Variants in ARID4B observed in about 807,000 individuals in gnomAD.
ARID4B encodes AT-rich interaction domain 4B.
Under a neutral mutation model 147.5 loss-of-function variants are expected in ARID4B, and 26 were observed. The ratio of observed to expected loss-of-function variants is 0.18; its 90% CI spans 0.13 to 0.24. ARID4B has a LOEUF of 0.24. Ranked by LOEUF, ARID4B falls within the 10% of genes least tolerant of loss-of-function variation. The pLI is 1.00. For synonymous variants in ARID4B, 512 were observed against 507.9 expected (o/e 1.01, Z -0.11); for missense variants, 1,179 against 1,511.5 (o/e 0.78, Z 3.65).
intron 2 of ARID4B, among the ~76,000 whole-genome samples, chr1:235,296,862 GGA>G (rs1272153875): frequency 1.2e-5 from 1 of 83,662 alleles, no homozygotes; most frequent in East Asian, 6.3e-4. Context: ...GGGAAGGAAG[GGA>G]GAGAGTACTT....
At chr1:235,261,690 C>A (rs893240258) in intron 2 of ARID4B, among the ~76,000 whole-genome samples, 1 of 152,192 alleles carries the variant, frequency 6.6e-6, no homozygotes, top group Non-Finnish European at 1.5e-5. Flanking sequence ...GATATTTACT[C>A]TTCTACCTTA....
At position 235,181,955 on chromosome 1, in the gene ARID4B, A is replaced by C; in HGVS notation, c.2964T>G (p.Pro988=). ...TGGGTTTACTATCGACATTGACTGG[A>C]GGTGGTTTTTCTAGTTCTACACTGG... The part of the protein sequence containing the change: ...CSPSVELEKP[P]PVNVDSKPIE... The change falls in exon 20 of 24, where the codon CCT becomes CCG. Residue 988 remains proline, a synonymous_variant. Coordinates refer to ENST00000264183, the MANE Select transcript of ARID4B (RefSeq NM_016374.6). 6.2e-7 allele frequency: 1 copy of C among 1,613,918 alleles called. No individual in the cohort carries two copies. The highest frequency in any genetic ancestry group is 1.1e-5 in the South Asian group (1 of 91,074).
chr1:235,239,960 G>T (rs148889300), intron 8 of ARID4B, among the ~76,000 whole-genome samples: 1 of 152,198 alleles, frequency 6.6e-6, no homozygotes, highest in East Asian at 1.9e-4. Flanking sequence ...TAAGTATGAG[G>T]AAAAGGTCTA....
chr1:235,298,920 T>A (rs973477340), intron 2 of ARID4B, among the ~76,000 whole-genome samples: 1 of 112,832 alleles, frequency 8.9e-6, no homozygotes, highest in Non-Finnish European at 1.9e-5. Flanking sequence ...AACTGCAGTC[T>A]CAGCCCAGCA....
intron 2 of ARID4B, among the ~76,000 whole-genome samples, chr1:235,294,833 C>A (rs1284045691): frequency 6.6e-6 from 1 of 151,188 alleles, no homozygotes; most frequent in Non-Finnish European, 1.5e-5. Flanking sequence ...TAAAAATATG[C>A]TCAACATTTT....
At chr1:235,251,496 T>C (rs534435282) in intron 6 of ARID4B, among the ~76,000 whole-genome samples, 3 of 152,226 alleles carry the variant, frequency 2.0e-5, no homozygotes, top group African/African-American at 7.2e-5. Flanking sequence ...GTCCAAATTC[T>C]AAATTTAAGT....
intron 2 of ARID4B, among the ~76,000 whole-genome samples, chr1:235,316,952 T>G (rs924811162): frequency 6.6e-6 from 1 of 152,254 alleles, no homozygotes; most frequent in Non-Finnish European, 1.5e-5. Context: ...CTGGAACATT[T>G]TGGATTTTCA....
intron 21 of ARID4B, 126 bp from the exon 22 acceptor site, chr1:235,175,525 G>A: frequency 1.4e-5 from 10 of 721,084 alleles, no homozygotes; most frequent in East Asian, 5.5e-5. Flanking sequence ...CTAGAAACCT[G>A]GAAAATCATA....
At chr1:235,179,865 T>TA (rs1308996694) in intron 20 of ARID4B, among the ~76,000 whole-genome samples, 2 of 151,896 alleles carry the variant, frequency 1.3e-5, no homozygotes, top group African/African-American at 4.8e-5. Context: ...GGTCAAGAGA[T>TA]AGAGACCATC....
chr1:235,241,247 T>C (rs1668959057), intron 7 of ARID4B, among the ~76,000 whole-genome samples: 1 of 152,234 alleles, frequency 6.6e-6, no homozygotes, highest in Admixed American at 6.5e-5. Flanking sequence ...AAATGTTTGA[T>C]GGACAACAAC....
chr1:235,298,846 T>C (rs1672934698), intron 2 of ARID4B, among the ~76,000 whole-genome samples: 1 of 152,148 alleles, frequency 6.6e-6, no homozygotes. Context: ...AACCAAACCA[T>C]ACTGTTAATG....
intron 8 of ARID4B, among the ~76,000 whole-genome samples, chr1:235,237,793 C>T (rs1353839712): frequency 1.3e-5 from 2 of 152,108 alleles, no homozygotes; most frequent in African/African-American, 4.8e-5. Flanking sequence ...AGTCAATGAG[C>T]AGGAAAATGA....
intron 17 of ARID4B, among the ~76,000 whole-genome samples, chr1:235,200,374 G>T (rs1665823596): frequency 6.6e-6 from 1 of 152,144 alleles, no homozygotes; most frequent in Non-Finnish European, 1.5e-5. Flanking sequence ...CAGGAGAAGA[G>T]CTTGAACCCG....
intron 3 of ARID4B, among the ~76,000 whole-genome samples, chr1:235,258,277 A>G (rs1231105608): frequency 1.3e-5 from 2 of 152,176 alleles, no homozygotes; most frequent in Non-Finnish European, 2.9e-5. Flanking sequence ...GGTTGCAGTG[A>G]GCCGAGATTG....
rs1418257236 is a variant in ARID4B at position 235,260,735 on chromosome 1, G to A, written c.24C>T (p.Pro8=). 7 of 1,607,442 alleles carry A rather than the reference G, an allele frequency of 4.4e-6. No homozygotes were observed. The highest frequency in any genetic ancestry group is 1.7e-4 in the Middle Eastern group (1 of 6,044). Residue 8 remains proline (P), a synonymous_variant, in exon 3 of 24, where the codon CCC becomes CCT. Transcript: ENST00000264183. MKALDEP[P]YLTVGTDVSA... The stretch of plus-strand genomic sequence containing the variant: ...TCACATCAGTGCCCACTGTCAAATA[G>A]GGAGGCTCATCAAGGGCCTAAAAAT...
chr1:235,201,429 T>C (rs1665911793), intron 17 of ARID4B, among the ~76,000 whole-genome samples: 4 of 152,010 alleles, frequency 2.6e-5, no homozygotes, highest in Non-Finnish European at 4.4e-5. Context: ...CCAGTATCAA[T>C]TGTCCCACCT....
intron 2 of ARID4B, among the ~76,000 whole-genome samples, chr1:235,307,625 T>G (rs541880919): frequency 5.9e-5 from 9 of 152,164 alleles, no homozygotes; most frequent in African/African-American, 1.9e-4. Context: ...CTAGATCATA[T>G]TCTGTGTCAT....
intron 2 of ARID4B, among the ~76,000 whole-genome samples, chr1:235,304,608 G>A (rs1341411089): frequency 1.3e-5 from 2 of 152,094 alleles, no homozygotes; most frequent in South Asian, 4.1e-4. Context: ...TTCCACCATT[G>A]TGCTATAAAT....
In ARID4B at chr1:235,234,469, A is replaced by G. The variant is rs756112561; in HGVS notation, c.609T>C (p.Asp203=). Residue 203 remains aspartate (D), a synonymous_variant, in exon 9 of 24, where the codon GAT becomes GAC. Transcript: ENST00000264183. ...TATTGTCCTTTTTTACAGCAATCTCATCACTACAATCAGGACAAACCACCT... is the reference window on the plus strand; with the variant it reads ...TATTGTCCTTTTTTACAGCAATCTCGTCACTACAATCAGGACAAACCACCT... ...PALVVCPDCS[D]EIAVKKDNIL... The G allele has an allele frequency of 1.1e-5, 17 of 1,599,628 alleles. No homozygotes were observed. In the Admixed American group the frequency reaches 2.7e-4, roughly 25 times the overall value.
Sources: allele counts gnomAD v4.1 joint callset (sites outside exome capture counted in the v4.1 genomes callset), GRCh38; gene constraint gnomAD v4.1.1; transcripts MANE v1.5; gene names NCBI Gene and HGNC (gene_info 2026-07-23, HGNC 2026-07-21).